The following GTF3C4 variants were observed in gnomAD, a reference collection of about 807,000 sequenced individuals.
The protein encoded by GTF3C4 is general transcription factor IIIC subunit 4.
In GTF3C4, 28 loss-of-function variants were observed where a neutral mutation model predicts 67.5. The ratio of observed to expected loss-of-function variants is 0.41; its 90% CI spans 0.31 to 0.57. GTF3C4 has a LOEUF of 0.57. GTF3C4 is among the 20% of genes least tolerant of loss of function. GTF3C4 has a pLI of 0.21. For missense variants in GTF3C4, 831 were observed against 1,033.2 expected (o/e 0.80, Z 2.68); for synonymous variants, 409 against 393.0 (o/e 1.04, Z -0.48).
chr9:132,676,785 C>G (rs1174827200), intron 1 of GTF3C4, among the ~76,000 whole-genome samples: 1 of 152,190 alleles, frequency 6.6e-6, no homozygotes, highest in Admixed American at 6.5e-5. Flanking sequence ...TAAACTCATT[C>G]AAGTGACTTT....
At chr9:132,671,098 G>C in intron 1 of GTF3C4, 143 bp downstream of exon 1, 1 of 651,534 alleles carries the variant, frequency 1.5e-6, no homozygotes. Context: ...TAAGCAGCCA[G>C]GGTTACCACA....
chr9:132,676,567 T>C (rs541419280), intron 1 of GTF3C4, among the ~76,000 whole-genome samples: 1 of 150,992 alleles, frequency 6.6e-6, no homozygotes, highest in Admixed American at 6.6e-5. Flanking sequence ...GTGATCCACC[T>C]ACCTCGGCCT....
At chr9:132,686,213 A>G (rs1009388178) in intron 3 of GTF3C4, among the ~76,000 whole-genome samples, 9 of 152,260 alleles carry the variant, frequency 5.9e-5, no homozygotes, top group African/African-American at 1.7e-4. Flanking sequence ...TTCTGTCTCC[A>G]GAAGCCACAT....
In GTF3C4 at chr9:132,673,880, A is replaced by G. The variant is rs549888546; in HGVS notation, c.357+2925A>G. Among the ~76,000 whole-genome samples, 8 of 152,354 alleles carry G rather than the reference A, an allele frequency of 5.3e-5. No homozygotes were observed. The East Asian group carries it at 1.5e-3, about 29-fold the overall frequency. ...GTATAAATCTGAAAAGCAATGAAAT[A>G]GTGATTTAAGAATGTCAGAATTGTT... On this transcript the variant is annotated intron_variant, in intron 1 of 4. Coordinates refer to ENST00000372146, the MANE Select transcript of GTF3C4 (RefSeq NM_012204.4).
intron 4 of GTF3C4, 87 bp from the exon 5 acceptor site, chr9:132,688,794 G>T: frequency 1.1e-6 from 1 of 942,368 alleles, no homozygotes. Flanking sequence ...CAGAATGCCC[G>T]TCTCTCAACG....
At position 132,670,921 on chromosome 9, in the gene GTF3C4, C is replaced by T. The variant is rs1835724284; in HGVS notation, c.323C>T (p.Ser108Leu). The T allele has an allele frequency of 1.9e-6, 3 of 1,611,974 alleles. No homozygotes were observed. Among genetic ancestry groups the T allele is most frequent in the Non-Finnish European group, 2.5e-6 (3 of 1,179,560 alleles). Residue 108 changes from serine to leucine, a missense_variant, in exon 1 of 5, where the codon TCG becomes TTG. By Grantham distance (145) the Ser-to-Leu change is moderately radical. Around this residue, in one of 4 missense-constraint regions of GTF3C4, gnomAD observed 237 missense variants for 212.7 expected, o/e 1.11. Coordinates refer to ENST00000372146, the MANE Select transcript of GTF3C4 (RefSeq NM_012204.4). ...PGQDLVIHRT[S>L]VPAPLNSCLL... ...CAGGACCTGGTTATCCACCGCACCT[C>T]GGTGCCCGCACCGCTCAACAGCTGT...
In GTF3C4 at chr9:132,679,613, T is replaced by C. The variant is rs1444675937; in HGVS notation, c.1994T>C (p.Met665Thr). 4.3e-6 allele frequency: 7 copies of C among 1,614,078 alleles called. No individual in the cohort carries two copies. Among genetic ancestry groups the C allele is most frequent in the Admixed American group, 1.7e-5 (1 of 59,998 alleles). The part of the protein sequence containing the change: ...TTGDAGGREP[M>T]EEKLLEIQGK... ...GGAGATGCTGGAGGCCGTGAGCCAA[T>C]GGAAGAGAAACTCCTGGAAATCCAA... The change falls in exon 2 of 5, where the codon ATG becomes ACG. Residue 665 changes from methionine (M) to threonine (T), a missense_variant. Met to Thr is a moderately conservative substitution (Grantham distance 81). Coordinates refer to ENST00000372146, the MANE Select transcript of GTF3C4 (RefSeq NM_012204.4). This position sits in a 1 kb window ranked among gnomAD's most constrained non-coding sequence, Gnocchi z 5.9.
intron 3 of GTF3C4, among the ~76,000 whole-genome samples, chr9:132,684,258 C>T (rs992338698): frequency 1.3e-5 from 2 of 152,180 alleles, no homozygotes; most frequent in Admixed American, 6.5e-5. Context: ...TATCTCTCCC[C>T]CTAAGTCTAG....
In GTF3C4 at chr9:132,670,689, G is replaced by A. The variant is rs780496217; in HGVS notation, c.91G>A (p.Gly31Ser). 1.3e-6 allele frequency: 2 copies of A among 1,514,988 alleles called. No homozygotes were observed. Among genetic ancestry groups the A allele is most frequent in the East Asian group, 2.5e-5 (1 of 39,616 alleles). The allele number at this position is 1,514,988 out of a possible 1,614,324, so 93.8% of individuals were successfully genotyped here. The change falls in exon 1 of 5, where the codon GGC becomes AGC. Residue 31 changes from glycine to serine, a missense_variant. Physicochemically the swap from Gly to Ser is moderately conservative, Grantham distance 56 (BLOSUM62 0). Transcript: ENST00000372146. ...GGAGGGAGAGGGGGGCGGCGAGGCGGGCGGGAAGGAGCCAGCAGCGGACGC... is the reference window on the plus strand; with the variant it reads ...GGAGGGAGAGGGGGGCGGCGAGGCGAGCGGGAAGGAGCCAGCAGCGGACGC... ...EEEGEGGGEA[G>S]GKEPAADAAP...
intron 1 of GTF3C4, among the ~76,000 whole-genome samples, chr9:132,673,788 A>G (rs1018157528): frequency 6.6e-6 from 1 of 152,254 alleles, no homozygotes; most frequent in Non-Finnish European, 1.5e-5. Flanking sequence ...GAAAATCTGC[A>G]GTTATGTAAT....
chr9:132,672,503 ATAAT>A (rs59271809), intron 1 of GTF3C4, among the ~76,000 whole-genome samples: 19,890 of 152,118 alleles, frequency 0.13, 1,514 homozygotes, highest in East Asian at 0.31. Context: ...AGTCATGAAC[ATAAT>A]TAATTATTGT....
At chr9:132,675,197 G>A (rs948689218) in intron 1 of GTF3C4, among the ~76,000 whole-genome samples, 1 of 152,172 alleles carries the variant, frequency 6.6e-6, no homozygotes, top group Non-Finnish European at 1.5e-5. Flanking sequence ...GAAGGTTTAA[G>A]CAATTTGCGC....
upstream of GTF3C4, chr9:132,670,279 C>T (rs1163657777): frequency 2.6e-6 from 4 of 1,511,896 alleles, no homozygotes; most frequent in African/African-American, 1.4e-5. Context: ...TTTACCGCCC[C>T]GTGCGTTTCC....
chr9:132,691,489 C>T lies in GTF3C4; in HGVS notation c.*2544C>T, dbSNP rs1045109941. ...AGAAATAGTGGAAGTGCTATTGCCG[C>T]GCTGCATGTAAAGCACAGGAGCAAA... On this transcript the variant is annotated 3_prime_UTR_variant, in exon 5 of 5. Transcript: ENST00000372146. 5 of 152,186 alleles carry T rather than the reference C, an allele frequency of 3.3e-5. No homozygotes were observed. Among genetic ancestry groups the T allele is most frequent in the African/African-American group, 9.7e-5 (4 of 41,438 alleles). 9.4% of individuals were successfully genotyped at this position (152,186 alleles called of 1,614,324 possible).
In GTF3C4 at chr9:132,670,652, G is replaced by A; in HGVS notation, c.54G>A (p.Pro18=). The A allele has an allele frequency of 2.7e-6, 4 of 1,484,910 alleles. No individual in the cohort carries two copies. Among genetic ancestry groups the A allele is most frequent in the South Asian group, 1.3e-5 (1 of 74,504 alleles). 92.0% of individuals were successfully genotyped at this position (1,484,910 alleles called of 1,614,324 possible). ...RVGPADDGPA[P]SGEEEGEGGG... ...GGCCCGCGGACGACGGGCCTGCGCC[G>A]TCTGGGGAGGAGGAGGGAGAGGGGG... The change falls in exon 1 of 5, where the codon CCG becomes CCA. Residue 18 remains proline, a synonymous_variant. Coordinates refer to ENST00000372146, the MANE Select transcript of GTF3C4 (RefSeq NM_012204.4).
chr9:132,690,427 CTG>C lies in GTF3C4; in HGVS notation c.*1483_*1484del, dbSNP rs1006433885. 2.8e-5 allele frequency: 4 copies of C among 142,940 alleles called. No homozygotes were observed. Among genetic ancestry groups the C allele is most frequent in the African/African-American group, 8.1e-5 (3 of 36,910 alleles). 8.9% of individuals were successfully genotyped at this position (142,940 alleles called of 1,614,324 possible). A position where few individuals can be genotyped will look rare whatever the true frequency, so the allele number is the denominator to read the frequency against. ...CCACTGCACTTCAGCCTGGGCAAGACTGGAGACTGCCTCAAAAAAAAAAGAAA... is the reference window on the plus strand; with the variant it reads ...CCACTGCACTTCAGCCTGGGCAAGACGAGACTGCCTCAAAAAAAAAAGAAA... On this transcript the variant is annotated 3_prime_UTR_variant, in exon 5 of 5. Coordinates refer to ENST00000372146, the MANE Select transcript of GTF3C4 (RefSeq NM_012204.4).
At position 132,670,682 on chromosome 9, in the gene GTF3C4, C is replaced by T; in HGVS notation, c.84C>T (p.Gly28=). The part of the protein sequence containing the change: ...PSGEEEGEGG[G]EAGGKEPAAD... The stretch of plus-strand genomic sequence containing the variant: ...GGGAGGAGGAGGGAGAGGGGGGCGG[C>T]GAGGCGGGCGGGAAGGAGCCAGCAG... Residue 28 remains glycine (G), a synonymous_variant, in exon 1 of 5, where the codon GGC becomes GGT. Transcript: ENST00000372146. 6.7e-7 allele frequency: 1 copy of T among 1,503,386 alleles called. No individual in the cohort carries two copies. Among genetic ancestry groups the T allele is most frequent in the Non-Finnish European group, 8.8e-7 (1 of 1,132,376 alleles). 93.1% of individuals were successfully genotyped at this position (1,503,386 alleles called of 1,614,324 possible).
At position 132,670,543 on chromosome 9, in the gene GTF3C4, G is replaced by A. The variant is rs1465006446; in HGVS notation, c.-56G>A. On this transcript the variant is annotated 5_prime_UTR_variant, in exon 1 of 5. In the 5' UTR this introduces an upstream ATG that the reference lacks. Transcript: ENST00000372146. ...GGGGGTGGCGGCGGCGGTCCGGGAG[G>A]TGGTCGCGCGACTGCGTGGAGCGCC... 3 of 1,283,922 alleles carry A rather than the reference G, an allele frequency of 2.3e-6. No homozygotes were observed. Among genetic ancestry groups the A allele is most frequent in the East Asian group, 2.8e-5 (1 of 35,192 alleles). 79.5% of individuals were successfully genotyped at this position (1,283,922 alleles called of 1,614,324 possible).
At chr9:132,674,737 C>A (rs1835839840) in intron 1 of GTF3C4, among the ~76,000 whole-genome samples, 2 of 152,190 alleles carry the variant, frequency 1.3e-5, no homozygotes, top group South Asian at 4.1e-4. Flanking sequence ...ATCTTATTAA[C>A]ATTTACTTAA....
Sources: gnomAD v4.1 joint callset for allele counts (sites outside exome capture counted in the v4.1 genomes callset) on GRCh38, gnomAD v4.1.1 for gene constraint, gnomAD v4.1.1 regional missense constraint, Gnocchi (gnomAD v3.1) non-coding constraint, MANE v1.5 for transcripts, NCBI Gene and HGNC (gene_info 2026-07-23, HGNC 2026-07-21) for gene names.